The following DYNC1LI1 variants were observed in gnomAD, a reference collection of about 807,000 sequenced individuals.
DYNC1LI1 encodes the protein dynein cytoplasmic 1 light intermediate chain 1.
In DYNC1LI1, 19 loss-of-function variants were observed where a neutral mutation model predicts 63.8. The ratio of observed to expected loss-of-function variants is 0.30; its 90% confidence interval spans 0.21 to 0.44. The LOEUF is 0.44. Ranked by LOEUF, DYNC1LI1 falls within the 20% of genes least tolerant of loss-of-function variation. The pLI is 1.00. For synonymous variants in DYNC1LI1, 225 were observed against 232.3 expected, an observed-to-expected ratio of 0.97 and a Z score of 0.28; for missense variants, 565 against 630.2, an observed-to-expected ratio of 0.90 and a Z score of 1.11.
chr3:32,567,050 T>C (rs1202225126), intron 2 of DYNC1LI1, among the ~76,000 whole-genome samples: 2 of 152,200 alleles, frequency 1.3e-5, no homozygotes, highest in African/African-American at 4.8e-5. Context: ...CAGAATCCAA[T>C]AAATATTTGG....
At chr3:32,538,557 C>T (rs1367748008) in intron 5 of DYNC1LI1, among the ~76,000 whole-genome samples, 2 of 151,950 alleles carry the variant, frequency 1.3e-5, no homozygotes, top group African/African-American at 4.8e-5. Flanking sequence ...AAAAATTAGC[C>T]GGCCATGGTG....
chr3:32,559,714 G>A (rs1264381988), intron 2 of DYNC1LI1, among the ~76,000 whole-genome samples: 2 of 152,156 alleles, frequency 1.3e-5, no homozygotes, highest in Non-Finnish European at 2.9e-5. Context: ...CCAGCATCAG[G>A]AACATCAGGA....
intron 2 of DYNC1LI1, among the ~76,000 whole-genome samples, chr3:32,565,932 A>G (rs1471111232): frequency 6.6e-6 from 1 of 152,016 alleles, no homozygotes; most frequent in Non-Finnish European, 1.5e-5. Flanking sequence ...TTGAATACTG[A>G]TTTTACCTCC....
intron 6 of DYNC1LI1, among the ~76,000 whole-genome samples, chr3:32,536,549 A>G (rs1697775887): frequency 6.6e-6 from 1 of 152,140 alleles, no homozygotes. Context: ...CTCACTTTGG[A>G]ATACTCCAAT....
rs776742590 is a variant in DYNC1LI1 at position 32,545,056 on chromosome 3, C to T, written c.388G>A (p.Gly130Ser). 16 of 1,613,906 alleles carry T rather than the reference C, an allele frequency of 9.9e-6. No homozygotes were observed. The highest frequency in any genetic ancestry group is 1.3e-5 in the African/African-American group (1 of 74,916). ...GCATCCAGTGAAAATTTAAGGAGGC[C>T]TTTGTGATATAGGTCTCCATCTAAG... ...WILDGDLYHK[G>S]LLKFSLDAVS... Residue 130 changes from glycine to serine, a missense_variant, in exon 4 of 13, where the codon GGC (glycine) becomes AGC (serine). Physicochemically the swap from Gly to Ser is moderately conservative, Grantham distance 56 (BLOSUM62 0). Transcript: ENST00000273130.
chr3:32,538,619 T>C (rs1332530553), intron 5 of DYNC1LI1, among the ~76,000 whole-genome samples: 9 of 151,808 alleles, frequency 5.9e-5, no homozygotes, highest in Admixed American at 3.3e-4. Flanking sequence ...GAGAATGGCG[T>C]GCACCTAGGA....
intron 2 of DYNC1LI1, among the ~76,000 whole-genome samples, chr3:32,554,793 T>G (rs2125442270): frequency 6.6e-6 from 1 of 152,178 alleles, no homozygotes; most frequent in East Asian, 1.9e-4. Flanking sequence ...GGGAGCAAAA[T>G]TTCTATCAAC....
chr3:32,526,442 C>T lies in DYNC1LI1; in HGVS notation c.*357G>A, dbSNP rs1462576297. On this transcript the variant is annotated 3_prime_UTR_variant, in exon 13 of 13. Coordinates refer to ENST00000273130, the MANE Select transcript of DYNC1LI1 (RefSeq NM_016141.4). ...CTTCCAAGTCAGTCAAATGCCCAAA[C>T]TGCATGTTTTCTGCCGTTCCCCAAA... is the stretch of plus-strand genomic sequence containing the variant. 2 of 157,670 alleles carry T rather than the reference C, an allele frequency of 1.3e-5. No homozygotes were observed. The highest frequency in any genetic ancestry group is 4.0e-4 in the South Asian group (2 of 4,940). The allele number at this position is 157,670 out of a possible 1,614,324, so 9.8% of individuals were successfully genotyped here.
At chr3:32,538,764 A>C (rs901752112) in intron 5 of DYNC1LI1, among the ~76,000 whole-genome samples, 1 of 152,082 alleles carries the variant, frequency 6.6e-6, no homozygotes, top group African/African-American at 2.4e-5. Context: ...AGAAACTTAG[A>C]GAGACTAAGT....
chr3:32,547,036 A>G (rs1457939777), intron 2 of DYNC1LI1, among the ~76,000 whole-genome samples: 1 of 152,120 alleles, frequency 6.6e-6, no homozygotes, highest in African/African-American at 2.4e-5. Flanking sequence ...CGAGGTCAGG[A>G]GTTCAGACCA....
At chr3:32,527,490 A>G (rs1697636592) in intron 12 of DYNC1LI1, among the ~76,000 whole-genome samples, 1 of 152,116 alleles carries the variant, frequency 6.6e-6, no homozygotes, top group East Asian at 1.9e-4. Context: ...AAGATGAATG[A>G]GTGGTAACAA....
intron 2 of DYNC1LI1, among the ~76,000 whole-genome samples, chr3:32,551,696 T>C (rs376062601): frequency 6.6e-6 from 1 of 152,120 alleles, no homozygotes; most frequent in African/African-American, 2.4e-5. Flanking sequence ...GCTGATTTGG[T>C]TGGGAGTTGG....
At chr3:32,548,450 G>T (rs931016045) in intron 2 of DYNC1LI1, among the ~76,000 whole-genome samples, 2 of 152,140 alleles carry the variant, frequency 1.3e-5, no homozygotes, top group African/African-American at 4.8e-5. Context: ...TGCCCAAAAA[G>T]ACTGGGGACT....
At chr3:32,563,390 A>G (rs1698218565) in intron 2 of DYNC1LI1, among the ~76,000 whole-genome samples, 1 of 150,494 alleles carries the variant, frequency 6.6e-6, no homozygotes, top group South Asian at 2.1e-4. Context: ...TCCTGAGTTC[A>G]AGCAATTCTC....
At chr3:32,565,272 C>T (rs1357219693) in intron 2 of DYNC1LI1, among the ~76,000 whole-genome samples, 3 of 151,904 alleles carry the variant, frequency 2.0e-5, no homozygotes, top group East Asian at 3.9e-4. Context: ...TTCAAATAGC[C>T]GGATTTACAG....
chr3:32,570,282 C>G, intron 2 of DYNC1LI1, 64 bp downstream of exon 2: 1 of 1,343,348 alleles, frequency 7.4e-7, no homozygotes, highest in Non-Finnish European at 1.0e-6. Flanking sequence ...CGAGCTAGCC[C>G]GCGGACCAGG....
intron 10 of DYNC1LI1, 62 bp from the exon 11 acceptor site, chr3:32,529,722 T>G: frequency 7.0e-7 from 1 of 1,431,152 alleles, no homozygotes. Context: ...ACAAAAGTTA[T>G]TATTGTAAAA....
At chr3:32,567,041 A>G (rs1698269387) in intron 2 of DYNC1LI1, among the ~76,000 whole-genome samples, 1 of 152,240 alleles carries the variant, frequency 6.6e-6, no homozygotes, top group African/African-American at 2.4e-5. Flanking sequence ...GCTGCATCCC[A>G]GAATCCAATA....
At chr3:32,564,692 G>A (rs1042636878) in intron 2 of DYNC1LI1, among the ~76,000 whole-genome samples, 4 of 152,126 alleles carry the variant, frequency 2.6e-5, no homozygotes, top group Admixed American at 6.5e-5. Flanking sequence ...TTTGAAAAAA[G>A]TCAATATCAT....
Sources: allele counts gnomAD v4.1 joint callset (sites outside exome capture counted in the v4.1 genomes callset), GRCh38; gene constraint gnomAD v4.1.1; transcripts MANE v1.5; gene names NCBI Gene and HGNC (gene_info 2026-07-23, HGNC 2026-07-21).